Variants in DPYD observed in about 807,000 individuals in gnomAD.
DPYD encodes dihydropyrimidine dehydrogenase, also known as dihydropyrimidine dehydrogenase [NADP(+)].
In DPYD, 109 loss-of-function variants were observed where a neutral mutation model predicts 116.2. The ratio of observed to expected loss-of-function variants is 0.94; its 90% CI spans 0.80 to 1.10. The LOEUF is 1.10. Ranked by LOEUF, DPYD falls within the 50% of genes least tolerant of loss-of-function variation. The pLI is 0.00. For synonymous variants in DPYD, 440 were observed against 432.0 expected (o/e 1.02, Z -0.23); for missense variants, 1,302 against 1,254.5 (o/e 1.04, Z -0.57).
chr1:97,724,702 C>T (rs111820916), intron 4 of DPYD, among the ~76,000 whole-genome samples: 46 of 151,510 alleles, frequency 3.0e-4, no homozygotes, highest in African/African-American at 1.0e-3. Flanking sequence ...ATTTAAATGC[C>T]AATCTAATTC....
At chr1:97,305,467 A>T (rs2101037731) in intron 17 of DPYD, 89 bp from the exon 18 acceptor site, 3 of 1,544,766 alleles carry the variant, frequency 1.9e-6, no homozygotes, top group Non-Finnish European at 2.7e-6. Context: ...AGAAAAATGC[A>T]TTCTATTTTA....
At chr1:97,126,135 T>C (rs1193748436) in intron 20 of DPYD, among the ~76,000 whole-genome samples, 1 of 152,108 alleles carries the variant, frequency 6.6e-6, no homozygotes, top group Non-Finnish European at 1.5e-5. Context: ...AGATTTGCTG[T>C]GCGTGTGAGG....
At chr1:97,187,798 A>G (rs183458744) in intron 20 of DPYD, among the ~76,000 whole-genome samples, 14 of 152,234 alleles carry the variant, frequency 9.2e-5, no homozygotes, top group Non-Finnish European at 1.6e-4. Flanking sequence ...TGGCAATCCA[A>G]TCATCCCAGC....
At chr1:97,645,558 TTG>T (rs1337287733) in intron 8 of DPYD, among the ~76,000 whole-genome samples, 1 of 152,104 alleles carries the variant, frequency 6.6e-6, no homozygotes, top group East Asian at 1.9e-4. Flanking sequence ...CTGTATGCAT[TTG>T]TGTCTGTTTC....
At chr1:97,595,729 G>C (rs912414746) in intron 8 of DPYD, among the ~76,000 whole-genome samples, 1 of 151,694 alleles carries the variant, frequency 6.6e-6, no homozygotes, top group Non-Finnish European at 1.5e-5. Context: ...TGTCTTTACT[G>C]TATAAATTCT....
intron 20 of DPYD, among the ~76,000 whole-genome samples, chr1:97,161,430 G>A (rs915272956): frequency 3.3e-5 from 5 of 151,930 alleles, no homozygotes; most frequent in Admixed American, 2.0e-4. Flanking sequence ...AGTTCTCACC[G>A]TCTAAAAGCA....
intron 13 of DPYD, among the ~76,000 whole-genome samples, chr1:97,483,420 CA>C (rs1170050295): frequency 1.3e-5 from 2 of 152,124 alleles, no homozygotes; most frequent in African/African-American, 4.8e-5. Flanking sequence ...TTGCCAATGT[CA>C]TAGTATTACT....
intron 14 of DPYD, among the ~76,000 whole-genome samples, chr1:97,417,504 T>C (rs1570700324): frequency 6.6e-6 from 1 of 152,246 alleles, no homozygotes; most frequent in Admixed American, 6.5e-5. Context: ...CTCTAATATA[T>C]GCTTTTTACT....
chr1:97,429,506 C>T (rs1177811108), intron 14 of DPYD, among the ~76,000 whole-genome samples: 4 of 151,762 alleles, frequency 2.6e-5, no homozygotes, highest in Non-Finnish European at 4.4e-5. Context: ...TACATTTAAC[C>T]GTTGTGTATA....
intron 8 of DPYD, among the ~76,000 whole-genome samples, chr1:97,639,856 C>T (rs536415718): frequency 1.5e-3 from 232 of 152,204 alleles, no homozygotes; most frequent in Non-Finnish European, 2.7e-3. Flanking sequence ...GATCCTCAAA[C>T]GCATGTGTAT....
intron 13 of DPYD, among the ~76,000 whole-genome samples, chr1:97,483,253 T>A (rs2101885767): frequency 6.6e-6 from 1 of 152,312 alleles, no homozygotes; most frequent in South Asian, 2.1e-4. Context: ...CTATCAGAAT[T>A]TCTTTTTGGT....
chr1:97,880,627 C>T (rs994452492), intron 2 of DPYD, among the ~76,000 whole-genome samples: 18 of 151,924 alleles, frequency 1.2e-4, no homozygotes, highest in African/African-American at 4.3e-4. Context: ...ACTATTTTAA[C>T]ATAGATCTAA....
chr1:97,792,167 G>A (rs1370684577), intron 3 of DPYD, among the ~76,000 whole-genome samples: 1 of 152,142 alleles, frequency 6.6e-6, no homozygotes, highest in Admixed American at 6.5e-5. Flanking sequence ...AGGAAGGACA[G>A]TGCAGTAAGA....
intron 15 of DPYD, among the ~76,000 whole-genome samples, chr1:97,381,803 T>C (rs1321211172): frequency 2.6e-5 from 4 of 152,172 alleles, no homozygotes; most frequent in African/African-American, 9.6e-5. Context: ...TATTTTTCTA[T>C]TTGAAATACA....
At chr1:97,785,881 G>T (rs868381247) in intron 3 of DPYD, among the ~76,000 whole-genome samples, 2 of 150,698 alleles carry the variant, frequency 1.3e-5, no homozygotes, top group South Asian at 4.2e-4. Context: ...TTGTAGTAGA[G>T]ATGGGGTTTC....
In DPYD at chr1:97,853,763, C is replaced by G. The variant is rs1411844671; in HGVS notation, c.151-25567G>C. On this transcript the variant is annotated intron_variant, in intron 2 of 22. Transcript: ENST00000370192. ...CAGATAATGCACAGAAGTCAAGTGA[C>G]TTGTCTAAGATTGCGTAGTTAACAT... Among the ~76,000 whole-genome samples, 13 of 152,296 alleles carry G rather than the reference C, an allele frequency of 8.5e-5. No homozygotes were observed. In the East Asian group the frequency reaches 2.5e-3, roughly 29 times the overall value.
At chr1:97,351,822 T>A (rs942654558) in intron 16 of DPYD, among the ~76,000 whole-genome samples, 2 of 151,592 alleles carry the variant, frequency 1.3e-5, no homozygotes, top group Non-Finnish European at 2.9e-5. Flanking sequence ...TAAAAGCAAA[T>A]GGAGAAAAAC....
chr1:97,146,287 G>C (rs1254008706), intron 20 of DPYD, among the ~76,000 whole-genome samples: 2 of 152,162 alleles, frequency 1.3e-5, no homozygotes, highest in Admixed American at 1.3e-4. Context: ...ATGGTCCTTA[G>C]GGAGAGTGAC....
At chr1:97,583,114 G>A (rs1369752534) in intron 10 of DPYD, among the ~76,000 whole-genome samples, 5 of 151,906 alleles carry the variant, frequency 3.3e-5, no homozygotes, top group African/African-American at 4.8e-5. Flanking sequence ...GACTACAGGC[G>A]CCCGCCACCA....
Sources: gnomAD v4.1 joint callset for allele counts (sites outside exome capture counted in the v4.1 genomes callset) on GRCh38, gnomAD v4.1.1 for gene constraint, MANE v1.5 for transcripts, NCBI Gene and HGNC (gene_info 2026-07-23, HGNC 2026-07-21) for gene names.